The following ANKH variants were observed in gnomAD, a reference collection of about 807,000 sequenced individuals.
ANKH encodes mineralization regulator ANKH.
A neutral mutation model predicts 49.0 loss-of-function variants in ANKH; 15 were observed. That is an observed-to-expected ratio of 0.31 (90% CI 0.20 to 0.47). The LOEUF (loss-of-function observed/expected upper bound fraction) is 0.47. ANKH is among the 20% of genes least tolerant of loss of function. The pLI is 1.00. For synonymous variants in ANKH, 273 were observed against 260.0 expected (o/e 1.05, Z -0.48); for missense variants, 429 against 652.0 (o/e 0.66, Z 3.72).
In ANKH at chr5:14,786,544, C is replaced by T. The variant is rs559917547; in HGVS notation, c.97-17353G>A. Among the ~76,000 whole-genome samples, 197 of 152,306 alleles carry T rather than the reference C, an allele frequency of 1.3e-3. 2 individuals are homozygous for T. Among genetic ancestry groups the T allele is most frequent in the South Asian group, 7.0e-3 (34 of 4,824 alleles). ...AGATATTTAACTACAGAGAAGCCGG[C>T]TCCCAGAAGAAGCAATGCTCACAGG... On this transcript the variant is annotated intron_variant, in intron 1 of 11. Transcript: ENST00000284268.
intron 1 of ANKH, chr5:14,797,682 T>C: frequency 6.3e-7 from 1 of 1,598,660 alleles, no homozygotes; most frequent in Non-Finnish European, 8.6e-7. Flanking sequence ...AAACAGAGAC[T>C]CACAGAGTAG....
chr5:14,827,606 C>T (rs1741381129), intron 1 of ANKH, among the ~76,000 whole-genome samples: 1 of 152,220 alleles, frequency 6.6e-6, no homozygotes, highest in Non-Finnish European at 1.5e-5. Context: ...AACCAGGTAT[C>T]TCATCAGGTA....
In ANKH at chr5:14,800,718, A is replaced by AT. The variant is rs1190100002; in HGVS notation, c.97-31528dup. On this transcript the variant is annotated intron_variant, in intron 1 of 11. Coordinates refer to ENST00000284268, the MANE Select transcript of ANKH (RefSeq NM_054027.6). ...GACTATAGTATAGAGCAAATATAAC[A>AT]TTTTTTTTCTTTTTTTTTTTTTTTT... 3.0e-3 allele frequency among the ~76,000 whole-genome samples: 414 copies of AT among 140,066 alleles called. 4 individuals are homozygous for AT. Among genetic ancestry groups the AT allele is most frequent in the African/African-American group, 0.011 (396 of 35,122 alleles). 91.9% of individuals were successfully genotyped at this position (140,066 alleles called of 152,430 possible).
In ANKH at chr5:14,814,324, G is replaced by A. The variant is rs537478738; in HGVS notation, c.97-45133C>T. ...GGTATTTAAAAATGTAAATAGGCTG[G>A]GTGTGGTGACACACGCCTGTAATCC... On this transcript the variant is annotated intron_variant, in intron 1 of 11. Coordinates refer to ENST00000284268, the MANE Select transcript of ANKH (RefSeq NM_054027.6). 2.6e-5 allele frequency among the ~76,000 whole-genome samples: 4 copies of A among 152,334 alleles called. No individual in the cohort carries two copies. In the South Asian group the frequency reaches 8.3e-4, roughly 32 times the overall value.
At chr5:14,832,139 G>A (rs749728140) in intron 1 of ANKH, among the ~76,000 whole-genome samples, 1 of 151,710 alleles carries the variant, frequency 6.6e-6, no homozygotes, top group African/African-American at 2.4e-5. Flanking sequence ...AATACAGGTG[G>A]TTTATATATA....
rs1738467894 is a variant in ANKH, at chr5:14,744,583, G to A, written c.915+1287C>T. 5.9e-5 allele frequency among the ~76,000 whole-genome samples: 9 copies of A among 152,104 alleles called. 1 individual carries two copies. The South Asian group carries it at 1.7e-3, about 28-fold the overall frequency. ...GGTGGACGTGTGTGTGTTTGCACAA[G>A]CATGCATTCACAGAGAAACTGCTCG... On this transcript the variant is annotated intron_variant, in intron 7 of 11. Coordinates refer to ENST00000284268, the MANE Select transcript of ANKH (RefSeq NM_054027.6).
chr5:14,764,354 C>T (rs1413298424), intron 2 of ANKH, among the ~76,000 whole-genome samples: 2 of 152,136 alleles, frequency 1.3e-5, no homozygotes, highest in African/African-American at 2.4e-5. Context: ...CTTGGAGTGT[C>T]ACCACAGCCA....
intron 1 of ANKH, among the ~76,000 whole-genome samples, chr5:14,786,856 G>A (rs1450250190): frequency 2.0e-5 from 3 of 152,158 alleles, no homozygotes; most frequent in Admixed American, 6.5e-5. Context: ...ATAATGACAT[G>A]TACAAATAGA....
intron 1 of ANKH, chr5:14,869,614 G>C (rs1279232908): frequency 2.6e-5 from 4 of 152,256 alleles, no homozygotes; most frequent in Admixed American, 2.6e-4. Flanking sequence ...CATCTGGATA[G>C]TTGTCTCTTA....
At position 14,828,163 on chromosome 5, in the gene ANKH, C is replaced by T. The variant is rs1296875247; in HGVS notation, c.96+43189G>A. Among the ~76,000 whole-genome samples, 6 of 152,102 alleles carry T rather than the reference C, an allele frequency of 3.9e-5. No individual in the cohort carries two copies. The East Asian group carries it at 1.2e-3, about 29-fold the overall frequency. ...TGATGAGGAGTGTGTGACAGGTCAG[C>T]TTGGATGCCAGGCAAGGGTATTTCC... is the stretch of plus-strand genomic sequence containing the variant. On this transcript the variant is annotated intron_variant, in intron 1 of 11. Transcript: ENST00000284268.
chr5:14,744,454 TA>T (rs57654863), intron 7 of ANKH, among the ~76,000 whole-genome samples: 46,519 of 151,876 alleles, frequency 0.31, 8,317 homozygotes, highest in African/African-American at 0.5. Flanking sequence ...TGACCATGGG[TA>T]AGGGAAATAG....
intron 1 of ANKH, 23 bp downstream of exon 1, chr5:14,871,329 T>TG (rs1291473450): frequency 1.6e-5 from 25 of 1,602,592 alleles, no homozygotes; most frequent in Non-Finnish European, 2.1e-5. Context: ...CGAGCGGGCG[T>TG]GGGGCGCGGG....
intron 1 of ANKH, among the ~76,000 whole-genome samples, chr5:14,836,478 A>G (rs113333723): frequency 0.12 from 18,068 of 152,132 alleles, 1,482 homozygotes; most frequent in East Asian, 0.44. Context: ...CCAATAACAG[A>G]CAAACAGAGA....
At chr5:14,845,679 ACT>A (rs1741938818) in intron 1 of ANKH, among the ~76,000 whole-genome samples, 1 of 151,466 alleles carries the variant, frequency 6.6e-6, no homozygotes, top group Non-Finnish European at 1.5e-5. Context: ...GCCTAATTTG[ACT>A]CTCTCCACCT....
intron 1 of ANKH, among the ~76,000 whole-genome samples, chr5:14,831,267 G>T (rs1741498629): frequency 6.6e-6 from 1 of 152,090 alleles, no homozygotes; most frequent in Non-Finnish European, 1.5e-5. Context: ...CCTATTGGAG[G>T]AATTCTATAT....
intron 4 of ANKH, among the ~76,000 whole-genome samples, chr5:14,752,174 G>A (rs147595545): frequency 1.9e-4 from 29 of 152,218 alleles, no homozygotes; most frequent in Non-Finnish European, 3.7e-4. Context: ...GCCAGGTGTC[G>A]TGGTGCACAC....
chr5:14,714,692 GGA>G (rs1276827965), intron 9 of ANKH, among the ~76,000 whole-genome samples: 1 of 152,160 alleles, frequency 6.6e-6, no homozygotes, highest in East Asian at 1.9e-4. Flanking sequence ...TTTGACCAAA[GGA>G]GAGAGTCAGG....
chr5:14,749,516 G>A (rs538801102), intron 5 of ANKH, among the ~76,000 whole-genome samples: 2 of 152,322 alleles, frequency 1.3e-5, no homozygotes, highest in South Asian at 4.1e-4. Flanking sequence ...CAGCTGGCAA[G>A]CTGCTGTGAA....
chr5:14,858,603 C>G (rs906239398), intron 1 of ANKH, among the ~76,000 whole-genome samples: 1 of 152,012 alleles, frequency 6.6e-6, no homozygotes, highest in Admixed American at 6.6e-5. Context: ...GTAGTCCCAG[C>G]TACTCGGGAG....
Sources: allele counts gnomAD v4.1 joint callset (sites outside exome capture counted in the v4.1 genomes callset), GRCh38; gene constraint gnomAD v4.1.1; transcripts MANE v1.5; gene names NCBI Gene and HGNC (gene_info 2026-07-23, HGNC 2026-07-21).